Variants in AKT3 observed in about 807,000 individuals in gnomAD.
AKT3 encodes AKT serine/threonine kinase 3.
In AKT3, 15 loss-of-function variants were observed where a neutral mutation model predicts 65.3. That is an observed-to-expected ratio of 0.23 (90% confidence interval 0.15 to 0.35). AKT3 has a LOEUF of 0.35. Ranked by LOEUF, AKT3 falls within the 10% of genes least tolerant of loss-of-function variation. The pLI is 1.00. For synonymous variants in AKT3, 206 were observed against 183.8 expected (o/e 1.12, Z -0.98); for missense variants, 243 against 576.5 (o/e 0.42, Z 5.92).
chr1:243,496,657 C>A (rs1667986806), downstream of AKT3, among the ~76,000 whole-genome samples: 1 of 152,192 alleles, frequency 6.6e-6, no homozygotes, highest in Non-Finnish European at 1.5e-5. Context: ...GGGGTGCCAC[C>A]ATCTCCCCGG....
At chr1:243,679,680 G>A (rs1031858138) in intron 3 of AKT3, among the ~76,000 whole-genome samples, 2 of 152,176 alleles carry the variant, frequency 1.3e-5, no homozygotes, top group Non-Finnish European at 2.9e-5. Context: ...AACCTAACAT[G>A]AATTAACATG....
intron 4 of AKT3, among the ~76,000 whole-genome samples, chr1:243,662,461 A>C (rs1174718158): frequency 6.6e-6 from 1 of 151,140 alleles, no homozygotes; most frequent in Non-Finnish European, 1.5e-5. Flanking sequence ...CAAGGACAAA[A>C]AACCAAACAC....
At chr1:243,830,996 C>A (rs1294717349) in intron 2 of AKT3, among the ~76,000 whole-genome samples, 1 of 152,158 alleles carries the variant, frequency 6.6e-6, no homozygotes, top group Non-Finnish European at 1.5e-5. Context: ...GCTGCCCTTA[C>A]CGAAACTCTC....
At chr1:243,842,014 TGGGCTGCAA>T (rs1375435762) in intron 2 of AKT3, among the ~76,000 whole-genome samples, 1 of 152,166 alleles carries the variant, frequency 6.6e-6, no homozygotes, top group Non-Finnish European at 1.5e-5. Flanking sequence ...GGATGAGGAC[TGGGCTGCAA>T]GGGAGAACAA....
intron 6 of AKT3, among the ~76,000 whole-genome samples, chr1:243,618,698 G>A (rs1284558409): frequency 6.6e-6 from 1 of 152,054 alleles, no homozygotes; most frequent in Non-Finnish European, 1.5e-5. Context: ...AGAAGAATTA[G>A]GGGGAATGGG....
chr1:243,540,218 G>A (rs547561562), intron 12 of AKT3, among the ~76,000 whole-genome samples: 1 of 152,032 alleles, frequency 6.6e-6, no homozygotes, highest in Admixed American at 6.6e-5. Context: ...ATGTACCAAC[G>A]CTAGCAATAT....
At chr1:243,693,245 T>TATAG in intron 3 of AKT3, among the ~76,000 whole-genome samples, 2 of 17,446 alleles carry the variant, frequency 1.1e-4, no homozygotes, top group Non-Finnish European at 2.3e-4. Context: ...TACAATTTGA[T>TATAG]ATATATATAT....
chr1:243,613,786 T>A, intron 7 of AKT3, 47 bp from the exon 8 acceptor site: 1 of 1,171,110 alleles, frequency 8.5e-7, no homozygotes, highest in Non-Finnish European at 1.2e-6. Context: ...TCCTGTATTC[T>A]TATAATTATA....
chr1:243,706,067 A>C (rs1685778797), intron 2 of AKT3, among the ~76,000 whole-genome samples: 1 of 152,214 alleles, frequency 6.6e-6, no homozygotes, highest in Non-Finnish European at 1.5e-5. Context: ...ATCTAAATAT[A>C]ATATCATACA....
At chr1:243,521,926 T>C (rs914350814) in intron 12 of AKT3, among the ~76,000 whole-genome samples, 4 of 152,216 alleles carry the variant, frequency 2.6e-5, no homozygotes, top group Non-Finnish European at 4.4e-5. Flanking sequence ...ACTCATCCTA[T>C]TGACTGTAGG....
upstream of AKT3, among the ~76,000 whole-genome samples, chr1:243,850,319 C>CGGCGGCGGT (rs1339786647): frequency 1.2e-5 from 1 of 85,954 alleles, no homozygotes; most frequent in Admixed American, 1.2e-4. Context: ...GCGGCGGCGG[C>CGGCGGCGGT]GGGAGGGGGA....
In AKT3 at chr1:243,660,970, G is replaced by C. The variant is rs1682268936; in HGVS notation, c.284+3802C>G. 2.0e-5 allele frequency among the ~76,000 whole-genome samples: 3 copies of C among 152,268 alleles called. No individual in the cohort carries two copies. The South Asian group carries it at 6.2e-4, about 32-fold the overall frequency. On this transcript the variant is annotated intron_variant, in intron 4 of 13. Transcript: ENST00000673466. ...CTCCCATTCACAACTGCTTCAAAGA[G>C]AATAAAATACCTAGGAATCCAACTT...
At chr1:243,659,157 G>A (rs927227159) in intron 4 of AKT3, among the ~76,000 whole-genome samples, 12 of 152,340 alleles carry the variant, frequency 7.9e-5, no homozygotes, top group East Asian at 5.8e-4. Context: ...ACTAAGGGAA[G>A]TAAGACAGTA....
intron 2 of AKT3, among the ~76,000 whole-genome samples, chr1:243,718,994 T>C (rs929593643): frequency 6.6e-6 from 1 of 152,120 alleles, no homozygotes; most frequent in African/African-American, 2.4e-5. Flanking sequence ...ATAATTCCCT[T>C]AGGGATAATT....
chr1:243,841,545 T>C (rs937062134), intron 2 of AKT3, among the ~76,000 whole-genome samples: 2 of 152,160 alleles, frequency 1.3e-5, no homozygotes, highest in African/African-American at 2.4e-5. Context: ...GAGAATGACA[T>C]TGAAAGAAAT....
intron 11 of AKT3, among the ~76,000 whole-genome samples, chr1:243,547,620 C>T (rs1672764076): frequency 6.6e-6 from 1 of 152,108 alleles, no homozygotes; most frequent in African/African-American, 2.4e-5. Flanking sequence ...ATACTAAATA[C>T]GCATCAGTTT....
chr1:243,646,707 G>C (rs1680846263), intron 4 of AKT3, among the ~76,000 whole-genome samples: 2 of 151,966 alleles, frequency 1.3e-5, no homozygotes, highest in African/African-American at 2.4e-5. Flanking sequence ...TTTTAGAAGT[G>C]TTTTGCTTAG....
chr1:243,759,783 A>T (rs1204893941), intron 2 of AKT3, among the ~76,000 whole-genome samples: 1 of 152,220 alleles, frequency 6.6e-6, no homozygotes, highest in Admixed American at 6.5e-5. Context: ...ACAAGGCAGG[A>T]GAAATTAAAA....
At position 243,837,413 on chromosome 1, in the gene AKT3, C is replaced by T. The variant is rs149782325; in HGVS notation, c.46+5712G>A. Among the ~76,000 whole-genome samples, 1,124 of 152,196 alleles carry T rather than the reference C, an allele frequency of 7.4e-3. 12 individuals carry two copies. Among genetic ancestry groups the T allele is most frequent in the African/African-American group, 0.026 (1,061 of 41,532 alleles). On this transcript the variant is annotated intron_variant, in intron 2 of 13. Transcript: ENST00000673466. ...ACACTGAAGAAAAAATACAATCCACCTTATGAGAAACAAGTGCTTCCCAAC... is the reference window on the plus strand; with the variant it reads ...ACACTGAAGAAAAAATACAATCCACTTTATGAGAAACAAGTGCTTCCCAAC...
Sources: gnomAD v4.1 joint callset for allele counts (sites outside exome capture counted in the v4.1 genomes callset) on GRCh38, gnomAD v4.1.1 for gene constraint, MANE v1.5 for transcripts, NCBI Gene and HGNC (gene_info 2026-07-23, HGNC 2026-07-21) for gene names.